CNTN4: variants seen among roughly 807,000 people sequenced by gnomAD.
The protein encoded by CNTN4 is contactin 4.
CNTN4 carries 77 observed loss-of-function variants against 122.5 expected under a neutral mutation model. That is an observed-to-expected ratio of 0.63 (90% CI 0.52 to 0.76). The LOEUF (loss-of-function observed/expected upper bound fraction) is 0.76. CNTN4 is among the 30% of genes least tolerant of loss of function. The probability of loss-of-function intolerance (pLI) is 0.00; values close to 1 mark genes in which losing one functional copy is unlikely to be tolerated. For synonymous variants in CNTN4, 512 were observed against 447.0 expected, an observed-to-expected ratio of 1.15 and a Z score of -1.83; for missense variants, 1,256 against 1,259.1, an observed-to-expected ratio of 1.00 and a Z score of 0.04.
chr3:2,520,503 A>G (rs1357694449), intron 3 of CNTN4, among the ~76,000 whole-genome samples: 7 of 151,594 alleles, frequency 4.6e-5, no homozygotes, highest in African/African-American at 7.3e-5. Flanking sequence ...CGAACTCCTG[A>G]CCTCTGGTGA....
chr3:2,930,933 T>C (rs889049947), intron 13 of CNTN4, among the ~76,000 whole-genome samples: 2 of 152,202 alleles, frequency 1.3e-5, no homozygotes, highest in Non-Finnish European at 2.9e-5. Context: ...GGTGATGTAT[T>C]GAGAAGGACT....
intron 2 of CNTN4, among the ~76,000 whole-genome samples, chr3:2,151,310 G>A (rs1292718106): frequency 6.6e-6 from 1 of 152,134 alleles, no homozygotes; most frequent in East Asian, 1.9e-4. Context: ...GAAGGGCGAA[G>A]CATCTATGAG....
At chr3:2,598,213 G>T (rs778570961) in intron 4 of CNTN4, among the ~76,000 whole-genome samples, 1 of 152,070 alleles carries the variant, frequency 6.6e-6, no homozygotes, top group Non-Finnish European at 1.5e-5. Flanking sequence ...ACTTGCTGTG[G>T]TACCGAACAA....
In CNTN4 at chr3:2,858,847, T is replaced by G. The variant is rs376181595; in HGVS notation, c.455-7905T>G. ...TACAACATTTTAAAATTCGTATACATTATGGATTGGCTAAATCATGCTCAT... is the reference window on the plus strand; with the variant it reads ...TACAACATTTTAAAATTCGTATACAGTATGGATTGGCTAAATCATGCTCAT... On this transcript the variant is annotated intron_variant, in intron 7 of 24. Coordinates refer to ENST00000418658, the MANE Select transcript of CNTN4 (RefSeq NM_175607.3). Among the ~76,000 whole-genome samples, 18 of 152,392 alleles carry G rather than the reference T, an allele frequency of 1.2e-4. 1 individual carries two copies. In the East Asian group the frequency reaches 1.3e-3, roughly 11 times the overall value.
At chr3:2,571,612 T>A in intron 4 of CNTN4, 54 bp downstream of exon 4, 1 of 1,334,464 alleles carries the variant, frequency 7.5e-7, no homozygotes, top group Non-Finnish European at 1.1e-6. Flanking sequence ...TATTTCACAC[T>A]AATTCAAAAG....
At chr3:2,629,590 T>A in intron 4 of CNTN4, 1 of 449,732 alleles carries the variant, frequency 2.2e-6, no homozygotes, top group Non-Finnish European at 4.4e-6. Flanking sequence ...GTGAGTTGAC[T>A]TTATAAGAAA....
At chr3:2,988,257 T>G in intron 13 of CNTN4, 88 bp from the exon 14 acceptor site, 2 of 1,273,278 alleles carry the variant, frequency 1.6e-6, no homozygotes, top group Non-Finnish European at 2.3e-6. Flanking sequence ...GATTTATGGT[T>G]TGAACAATGA....
chr3:2,153,365 A>AG (rs1489959395), intron 2 of CNTN4, among the ~76,000 whole-genome samples: 4 of 152,204 alleles, frequency 2.6e-5, no homozygotes, highest in African/African-American at 9.6e-5. Flanking sequence ...ATGGATGAAA[A>AG]CAATATCTAG....
chr3:2,440,382 A>C (rs1383911224), intron 3 of CNTN4, among the ~76,000 whole-genome samples: 1 of 152,188 alleles, frequency 6.6e-6, no homozygotes, highest in Non-Finnish European at 1.5e-5. Flanking sequence ...TTTAAATTCC[A>C]AATGTATGAA....
intron 4 of CNTN4, among the ~76,000 whole-genome samples, chr3:2,714,370 C>A (rs1218486746): frequency 1.3e-5 from 2 of 152,090 alleles, no homozygotes; most frequent in Non-Finnish European, 2.9e-5. Context: ...GTAGAAAAAT[C>A]TATGTGTAGC....
At chr3:3,047,242 T>G (rs370864953) in intron 23 of CNTN4, among the ~76,000 whole-genome samples, 1 of 151,778 alleles carries the variant, frequency 6.6e-6, no homozygotes, top group Non-Finnish European at 1.5e-5. Flanking sequence ...AACAAGGATA[T>G]CCAGGAATTG....
intron 2 of CNTN4, among the ~76,000 whole-genome samples, chr3:2,166,604 A>G (rs935991556): frequency 6.6e-6 from 1 of 152,170 alleles, no homozygotes; most frequent in African/African-American, 2.4e-5. Flanking sequence ...CTCAACTGCA[A>G]GGACAAAAAT....
At chr3:2,996,833 A>C (rs959878021) in intron 14 of CNTN4, among the ~76,000 whole-genome samples, 3 of 152,210 alleles carry the variant, frequency 2.0e-5, no homozygotes, top group African/African-American at 7.2e-5. Flanking sequence ...ATGCGATAAA[A>C]TTCTTACTCC....
intron 3 of CNTN4, among the ~76,000 whole-genome samples, chr3:2,434,553 C>T (rs1345174355): frequency 6.6e-6 from 1 of 152,150 alleles, no homozygotes; most frequent in Non-Finnish European, 1.5e-5. Flanking sequence ...CTTATTGAGA[C>T]AGTGAAAGAT....
At chr3:2,743,315 C>T (rs1386447143) in intron 5 of CNTN4, among the ~76,000 whole-genome samples, 2 of 151,888 alleles carry the variant, frequency 1.3e-5, no homozygotes, top group African/African-American at 4.8e-5. Context: ...GATTCATGTG[C>T]ACATAGAGCT....
intron 2 of CNTN4, among the ~76,000 whole-genome samples, chr3:2,296,048 G>A (rs112109889): frequency 0.092 from 13,957 of 152,034 alleles, 737 homozygotes; most frequent in Non-Finnish European, 0.12. Context: ...TCTCTGTTTT[G>A]GTACCAGTAC....
intron 3 of CNTN4, among the ~76,000 whole-genome samples, chr3:2,395,029 T>G (rs944409292): frequency 2.0e-5 from 3 of 152,126 alleles, no homozygotes; most frequent in African/African-American, 7.2e-5. Context: ...TCAAGTCATC[T>G]GCCTGCCTTG....
chr3:2,856,619 G>A (rs1449191233), intron 7 of CNTN4, among the ~76,000 whole-genome samples: 2 of 152,216 alleles, frequency 1.3e-5, no homozygotes, highest in East Asian at 1.9e-4. Flanking sequence ...GACGGGCACA[G>A]CCCTCCCACT....
chr3:2,621,989 G>A (rs1337353449), intron 4 of CNTN4, among the ~76,000 whole-genome samples: 2 of 152,034 alleles, frequency 1.3e-5, no homozygotes, highest in East Asian at 1.9e-4. Flanking sequence ...CTGCAGCCTC[G>A]CTACATGTTT....
Sources: gnomAD v4.1 joint callset for allele counts (sites outside exome capture counted in the v4.1 genomes callset) on GRCh38, gnomAD v4.1.1 for gene constraint, MANE v1.5 for transcripts, NCBI Gene and HGNC (gene_info 2026-07-23, HGNC 2026-07-21) for gene names.